The following ITGA3 variants were observed in gnomAD, a reference collection of about 807,000 sequenced individuals.
ITGA3 encodes the protein integrin alpha-3.
Under a neutral mutation model 131.1 loss-of-function variants are expected in ITGA3, and 70 were observed. The observed-to-expected ratio is 0.53, with a 90% CI of 0.44 to 0.65. The LOEUF (loss-of-function observed/expected upper bound fraction) is 0.65. ITGA3 is among the 30% of genes least tolerant of loss of function. The pLI is 0.00. For missense variants in ITGA3, 1,098 were observed against 1,388.6 expected (o/e 0.79, Z 3.33); for synonymous variants, 537 against 571.6 (o/e 0.94, Z 0.86).
At chr17:50,059,805 A>G (rs75117579) in intron 1 of ITGA3, among the ~76,000 whole-genome samples, 45 of 152,220 alleles carry the variant, frequency 3.0e-4, no homozygotes, top group Non-Finnish European at 6.2e-4. Context: ...GGTCAAATAC[A>G]GGAAAAATAC....
chr17:50,082,029 G>T (rs1196059953), intron 23 of ITGA3, among the ~76,000 whole-genome samples: 1 of 152,122 alleles, frequency 6.6e-6, no homozygotes, highest in East Asian at 1.9e-4. Flanking sequence ...TTGCTTCAGA[G>T]ATGGTGTCAC....
At chr17:50,077,267 T>C in intron 15 of ITGA3, 112 bp from the exon 16 acceptor site, 1 of 1,320,282 alleles carries the variant, frequency 7.6e-7, no homozygotes, top group Non-Finnish European at 1.1e-6. Flanking sequence ...GCGTCTCTGC[T>C]GCTTGGAGAA....
intron 22 of ITGA3, 43 bp downstream of exon 22, chr17:50,080,418 A>AG (rs1189523432): frequency 8.1e-7 from 1 of 1,230,540 alleles, no homozygotes; most frequent in South Asian, 1.3e-5. Flanking sequence ...ATCCACCCTG[A>AG]GGGGGAGAAC....
rs1353716781 is a variant in ITGA3 at position 50,085,904 on chromosome 17, A to T, written c.2920-1840A>T. On this transcript the variant is annotated intron_variant, in intron 23 of 25. Transcript: ENST00000320031. ...TTATAATGTATATTAGATTATACAC[A>T]TATAGATTTATAATATATATTAGAT... Among the ~76,000 whole-genome samples the T allele has an allele frequency of 3.5e-4, 31 of 89,398 alleles. 4 individuals are homozygous for T. The highest frequency in any genetic ancestry group is 1.2e-3 in the African/African-American group (27 of 23,264). The allele number at this position is 89,398 out of a possible 152,430, so 58.6% of individuals were successfully genotyped here.
In ITGA3 at chr17:50,089,927, G is replaced by T. The variant is rs140332297; in HGVS notation, c.*849G>T. The T allele has an allele frequency of 1.3e-3, 256 of 202,428 alleles. 1 individual carries two copies. The highest frequency in any genetic ancestry group is 5.0e-3 in the African/African-American group (219 of 43,428). 12.5% of individuals were successfully genotyped at this position (202,428 alleles called of 1,614,324 possible). A position where few individuals can be genotyped will look rare whatever the true frequency, so the allele number is the denominator to read the frequency against. On this transcript the variant is annotated 3_prime_UTR_variant, in exon 26 of 26. Transcript: ENST00000320031. Reference sequence around the variant, plus strand: ...CTCTCCTTGGCCACAGACTGAACTCGCAGGGAATGCAGCAGGAAGGAACAA... The same window carrying T: ...CTCTCCTTGGCCACAGACTGAACTCTCAGGGAATGCAGCAGGAAGGAACAA...
At position 50,056,602 on chromosome 17, in the gene ITGA3, T is replaced by A. The variant is rs1291974535; in HGVS notation, c.163T>A (p.Ser55Thr). 2 of 1,599,010 alleles carry A rather than the reference T, an allele frequency of 1.3e-6. No individual in the cohort carries two copies. Among genetic ancestry groups the A allele is most frequent in the South Asian group, 1.1e-5 (1 of 88,472 alleles). Residue 55 changes from serine to threonine, a missense_variant, in exon 1 of 26, where the codon TCG becomes ACG. Around this residue, in one of 3 missense-constraint regions of ITGA3, gnomAD observed 356 missense variants for 529.2 expected, o/e 0.67. Transcript: ENST00000320031. The surrounding 1 kb of genome is among the most constrained non-coding windows in gnomAD (Gnocchi z 5.6). ...GAACCCGGGCAGCCTCTTCGGCTAC[T>A]CGGTCGCCCTCCATCGGCAGACAGA... is the stretch of plus-strand genomic sequence containing the variant. ...AGNPGSLFGY[S>T]VALHRQTERQ...
At position 50,087,784 on chromosome 17, in the gene ITGA3, C is replaced by T. The variant is rs146126922; in HGVS notation, c.2960C>T (p.Pro987Leu). ...GACTCGGAGCTGGTGGAGGAGCTGC[C>T]GGCCGAAATCGAGCTGTGGCTGGTG... The part of the protein sequence containing the change: ...DIDSELVEEL[P>L]AEIELWLVLV... Residue 987 changes from proline (P) to leucine (L), a missense_variant, in exon 24 of 26, where the codon CCG (proline) becomes CTG (leucine). This residue lies in a region of ITGA3 where 699 missense variants were observed against 829.2 expected (regional missense o/e 0.84). Transcript: ENST00000320031. 2.4e-5 allele frequency: 38 copies of T among 1,613,130 alleles called. No homozygotes were observed. Among genetic ancestry groups the T allele is most frequent in the Non-Finnish European group, 2.9e-5 (34 of 1,179,824 alleles).
rs1009524361 is a variant in ITGA3 at position 50,078,807 on chromosome 17, A to G, written c.2298-17A>G. ...GTCTCTTGTCCCCCGTGACTCCAGC[A>G]TCCTTCTTACCCCTAGGGTAAATCA... On this transcript the variant is annotated splice_polypyrimidine_tract_variant and intron_variant, in intron 18 of 25. Coordinates refer to ENST00000320031, the MANE Select transcript of ITGA3 (RefSeq NM_002204.4). 1 of 1,521,234 alleles carries G rather than the reference A, an allele frequency of 6.6e-7. No individual in the cohort carries two copies. The highest frequency in any genetic ancestry group is 2.3e-5 in the East Asian group (1 of 44,398). The allele number at this position is 1,521,234 out of a possible 1,614,324, so 94.2% of individuals were successfully genotyped here.
rs78434961 is a variant in ITGA3 at position 50,089,111 on chromosome 17, G to A, written c.*33G>A. The A allele has an allele frequency of 9.8e-5, 158 of 1,612,266 alleles. No homozygotes were observed. The African/African-American group carries it at 1.9e-3, about 19-fold the overall frequency. ...TTTCTCTTCTCCCTCCAACTCCAGT[G>A]TGACTTCTTTAAGCGGACCCGCTAT... On this transcript the variant is annotated splice_region_variant and 3_prime_UTR_variant, in exon 26 of 26. Coordinates refer to ENST00000320031, the MANE Select transcript of ITGA3 (RefSeq NM_002204.4).
Position 50,068,125 on chromosome 17 carries a change from T to C in ITGA3, c.484T>C (p.Cys162Arg), listed in dbSNP as rs755023428. Residue 162 changes from cysteine to arginine, a missense_variant, in exon 4 of 26, where the codon TGC becomes CGC. By Grantham distance (180) the Cys-to-Arg change is radical. Coordinates refer to ENST00000320031, the MANE Select transcript of ITGA3 (RefSeq NM_002204.4). ...SEDQRRMVGKCYVRGNDLELD... is the reference protein window; with the variant it reads ...SEDQRRMVGKRYVRGNDLELD... ...AGACCAGCGGCGCATGGTGGGCAAG[T>C]GCTACGTGCGAGGCAATGACCTAGA... 2 of 1,614,156 alleles carry C rather than the reference T, an allele frequency of 1.2e-6. No homozygotes were observed. Among genetic ancestry groups the C allele is most frequent in the Non-Finnish European group, 1.7e-6 (2 of 1,180,030 alleles).
At chr17:50,062,039 CAAAAAAAAAAA>C (rs529147794) in intron 1 of ITGA3, among the ~76,000 whole-genome samples, 1 of 117,614 alleles carries the variant, frequency 8.5e-6, no homozygotes, top group Non-Finnish European at 1.7e-5. Context: ...GACCCTGTCT[CAAAAAAAAAAA>C]AAAAAAGAAA....
intron 1 of ITGA3, among the ~76,000 whole-genome samples, chr17:50,060,757 C>T (rs151042622): frequency 6.6e-6 from 1 of 152,252 alleles, no homozygotes; most frequent in Non-Finnish European, 1.5e-5. Context: ...TCTAGGCATC[C>T]CTCCACCTAC....
In ITGA3 at chr17:50,080,467, T is replaced by G. The variant is rs377304802; in HGVS notation, c.2820+92T>G. 296 of 101,428 alleles carry G rather than the reference T, an allele frequency of 2.9e-3. 1 individual carries two copies. Among genetic ancestry groups the G allele is most frequent in the South Asian group, 6.4e-3 (97 of 15,216 alleles). 6.3% of individuals were successfully genotyped at this position (101,428 alleles called of 1,614,324 possible). A position where few individuals can be genotyped will look rare whatever the true frequency, so the allele number is the denominator to read the frequency against. ...CGAGTCCAGGGTCATAGCATGGGTG[T>G]GTGTGTGTGTGTGTGTGTGTGTGTG... On this transcript the variant is annotated intron_variant, in intron 22 of 25. Coordinates refer to ENST00000320031, the MANE Select transcript of ITGA3 (RefSeq NM_002204.4).
At chr17:50,059,273 C>A (rs1337691416) in intron 1 of ITGA3, among the ~76,000 whole-genome samples, 2 of 152,184 alleles carry the variant, frequency 1.3e-5, no homozygotes, top group Non-Finnish European at 2.9e-5. Flanking sequence ...GTTACTGACA[C>A]CCTCTCTGCT....
intron 4 of ITGA3, among the ~76,000 whole-genome samples, chr17:50,070,340 T>G (rs1163758465): frequency 6.6e-6 from 1 of 152,136 alleles, no homozygotes; most frequent in African/African-American, 2.4e-5. Context: ...GGTCATAATT[T>G]AACCTCAAAT....
chr17:50,058,178 T>A (rs921838473), intron 1 of ITGA3, among the ~76,000 whole-genome samples: 1 of 152,252 alleles, frequency 6.6e-6, no homozygotes, highest in Non-Finnish European at 1.5e-5. Flanking sequence ...ATATTTCCCC[T>A]CCCTGGGCCA....
rs117973827 is a variant in ITGA3, at chr17:50,075,711, C to T, written c.1650C>T (p.Cys550=). Residue 550 remains cysteine (C), a synonymous_variant, in exon 12 of 26, where the codon TGC becomes TGT. Coordinates refer to ENST00000320031, the MANE Select transcript of ITGA3 (RefSeq NM_002204.4). ...HGFFSMPEMR[C]QKLELLLMDN... is the part of the protein sequence containing the mutation. ...TCTTCTCCATGCCCGAGATGCGCTG[C>T]CAGAAGCTGGAGCTGCTCCTGATGG... 6.2e-7 allele frequency: 1 copy of T among 1,614,070 alleles called. No homozygotes were observed. Among genetic ancestry groups the T allele is most frequent in the East Asian group, 2.2e-5 (1 of 44,878 alleles).
Position 50,088,971 on chromosome 17 carries a change from T to G in ITGA3, c.*32-139T>G, listed in dbSNP as rs528489079. The G allele has an allele frequency of 2.3e-5, 16 of 699,782 alleles. No individual in the cohort carries two copies. In the East Asian group the frequency reaches 4.0e-4, roughly 17 times the overall value. 43.3% of individuals were successfully genotyped at this position (699,782 alleles called of 1,614,324 possible). ...GAGAAACTCATCCTCCGTATCTCAG[T>G]GCAGAGAGATGGGATGCGTTTCGGT... On this transcript the variant is annotated intron_variant, in intron 25 of 25. Transcript: ENST00000320031.
Position 50,078,924 on chromosome 17 carries a change from C to T in ITGA3, c.2398C>T (p.Gln800Ter). The T allele has an allele frequency of 1.3e-6, 2 of 1,596,174 alleles. No individual in the cohort carries two copies. Among genetic ancestry groups the T allele is most frequent in the East Asian group, 2.2e-5 (1 of 44,800 alleles). Reference protein sequence around the residue: ...DVGSPLKYEFQVGPMGEGLVG... With the variant: ...DVGSPLKYEF ...AGGAAGCCCCCTCAAGTATGAATTC[C>T]AGGTAAGGGGCTCGCCAGAGTCCTG... is the stretch of plus-strand genomic sequence containing the variant. Residue 800 changes from glutamine to a stop codon, truncating the protein, a stop_gained and splice_region_variant, in exon 19 of 26, where the codon CAG becomes TAG. Transcript: ENST00000320031. LOFTEE classifies it high-confidence loss of function.
Sources: gnomAD v4.1 joint callset for allele counts (sites outside exome capture counted in the v4.1 genomes callset) on GRCh38, gnomAD v4.1.1 for gene constraint, gnomAD v4.1.1 regional missense constraint, Gnocchi (gnomAD v3.1) non-coding constraint, MANE v1.5 for transcripts, NCBI Gene and HGNC (gene_info 2026-07-23, HGNC 2026-07-21) for gene names.